Variants in SPTLC2 observed in about 807,000 individuals in gnomAD.
SPTLC2 encodes the protein serine palmitoyltransferase 2.
In SPTLC2, 21 loss-of-function variants were observed where a neutral mutation model predicts 62.0. The observed-to-expected ratio is 0.34, with a 90% CI of 0.24 to 0.49. The LOEUF is 0.49. Among genes scored for constraint, SPTLC2 ranks in the 20% least tolerant of loss-of-function variants. The probability of loss-of-function intolerance (pLI) is 0.99; values close to 1 mark genes in which losing one functional copy is unlikely to be tolerated. For missense variants in SPTLC2, 511 were observed against 713.0 expected, an observed-to-expected ratio of 0.72 and a Z score of 3.23; for synonymous variants, 261 against 261.8, an observed-to-expected ratio of 1.00 and a Z score of 0.03.
chr14:77,529,393 T>C (rs190766433), intron 9 of SPTLC2, among the ~76,000 whole-genome samples: 135 of 151,754 alleles, frequency 8.9e-4, no homozygotes, highest in Middle Eastern at 3.4e-3. Context: ...TGTGTCTCTA[T>C]TGAAATCTAA....
chr14:77,508,148 T>A lies in SPTLC2; in HGVS notation c.*4136A>T, dbSNP rs1034123786. 2.6e-5 allele frequency: 4 copies of A among 152,186 alleles called. No individual in the cohort carries two copies. The highest frequency in any genetic ancestry group is 9.7e-5 in the African/African-American group (4 of 41,416). The allele number at this position is 152,186 out of a possible 1,614,324, so 9.4% of individuals were successfully genotyped here. A position where few individuals can be genotyped will look rare whatever the true frequency, so the allele number is the denominator to read the frequency against. ...GGCTCAAGTGATTCTCCCACACAGG[T>A]GGGACTACAGGCAGGCACCACCATG... On this transcript the variant is annotated 3_prime_UTR_variant, in exon 12 of 12. Transcript: ENST00000216484.
At chr14:77,562,281 T>C in intron 6 of SPTLC2, 115 bp downstream of exon 6, 1 of 902,176 alleles carries the variant, frequency 1.1e-6, no homozygotes, top group East Asian at 2.5e-5. Flanking sequence ...TTTTAAATGT[T>C]GCTACTTTGT....
Position 77,509,859 on chromosome 14 carries a change from T to TAG in SPTLC2, c.*2424_*2425insCT, listed in dbSNP as rs2079323518. On this transcript the variant is annotated 3_prime_UTR_variant, in exon 12 of 12. Coordinates refer to ENST00000216484, the MANE Select transcript of SPTLC2 (RefSeq NM_004863.4). ...AACTTGTAACAAAATTACACTTATC[T>TAG]TGAAATAACTTTGTACCAACAAAGT... The TAG allele has an allele frequency of 5.0e-6, 2 of 398,296 alleles. No individual in the cohort carries two copies. Among genetic ancestry groups the TAG allele is most frequent in the Non-Finnish European group, 8.9e-6 (2 of 225,966 alleles). The allele number at this position is 398,296 out of a possible 1,614,324, so 24.7% of individuals were successfully genotyped here. A position where few individuals can be genotyped will look rare whatever the true frequency, so the allele number is the denominator to read the frequency against.
At chr14:77,552,651 C>A (rs897972093) in intron 8 of SPTLC2, among the ~76,000 whole-genome samples, 1 of 151,686 alleles carries the variant, frequency 6.6e-6, no homozygotes, top group Non-Finnish European at 1.5e-5. Flanking sequence ...ACTAAAAATA[C>A]AAAAATCAGC....
Position 77,600,244 on chromosome 14 carries a change from T to G in SPTLC2, c.133-2864A>C, listed in dbSNP as rs183140644. On this transcript the variant is annotated intron_variant, in intron 1 of 11. Transcript: ENST00000216484. ...AAAGCCTTATTCAAAATTAAATGTA[T>G]TTTAAAGAATTTAGGTTCAACTAGG... Among the ~76,000 whole-genome samples, 6 of 152,322 alleles carry G rather than the reference T, an allele frequency of 3.9e-5. No individual in the cohort carries two copies. In the East Asian group the frequency reaches 1.2e-3, roughly 29 times the overall value.
At chr14:77,580,946 G>T (rs888481696) in intron 2 of SPTLC2, among the ~76,000 whole-genome samples, 8 of 152,218 alleles carry the variant, frequency 5.3e-5, no homozygotes, top group Non-Finnish European at 1.2e-4. Context: ...AGATTAAGTT[G>T]TACTAAAACT....
Position 77,512,141 on chromosome 14 carries a change from G to C in SPTLC2, c.*143C>G. On this transcript the variant is annotated 3_prime_UTR_variant, in exon 12 of 12. Transcript: ENST00000216484. ...TTTACTATTTACAAAATGTCATTTA[G>C]AGTGGAGGTGGCCACCTTCAGTAGC... The C allele has an allele frequency of 9.3e-7, 1 of 1,079,696 alleles. No homozygotes were observed. The highest frequency in any genetic ancestry group is 1.4e-6 in the Non-Finnish European group (1 of 714,336). 66.9% of individuals were successfully genotyped at this position (1,079,696 alleles called of 1,614,324 possible).
Position 77,579,073 on chromosome 14 carries a change from A to G in SPTLC2, c.364T>C (p.Tyr122His), listed in dbSNP as rs753088435. The G allele has an allele frequency of 6.2e-7, 1 of 1,614,126 alleles. No homozygotes were observed. The highest frequency in any genetic ancestry group is 1.3e-5 in the African/African-American group (1 of 75,052). The stretch of plus-strand genomic sequence containing the variant: ...ATCCTCATGTACAGATTCCTTGTAT[A>G]AAAGTTTTCAAAATCTTGATACAAT... ...VSLYQDFENFYTRNLYMRIRD... is the reference protein window; with the variant it reads ...VSLYQDFENFHTRNLYMRIRD... The change falls in exon 3 of 12, where the codon TAT (tyrosine) becomes CAT (histidine). Residue 122 changes from tyrosine (Y) to histidine (H), a missense_variant. By Grantham distance (83) the Tyr-to-His change is moderately conservative. Transcript: ENST00000216484.
At chr14:77,600,900 G>A (rs1234648672) in intron 1 of SPTLC2, among the ~76,000 whole-genome samples, 1 of 152,160 alleles carries the variant, frequency 6.6e-6, no homozygotes, top group Non-Finnish European at 1.5e-5. Flanking sequence ...CCACATGCCT[G>A]TGGGCTGTCA....
intron 6 of SPTLC2, among the ~76,000 whole-genome samples, chr14:77,558,256 G>A (rs1016394243): frequency 2.6e-5 from 4 of 152,124 alleles, no homozygotes; most frequent in African/African-American, 4.8e-5. Flanking sequence ...ATGTTGGCCA[G>A]GCTTGTCTTG....
intron 10 of SPTLC2, among the ~76,000 whole-genome samples, chr14:77,520,697 T>C (rs1440854159): frequency 6.6e-6 from 1 of 152,260 alleles, no homozygotes; most frequent in Non-Finnish European, 1.5e-5. Flanking sequence ...ACTTCTCAAA[T>C]ACATTGAAAG....
In SPTLC2 at chr14:77,521,544, C is replaced by A; in HGVS notation, c.1341G>T (p.Arg447Ser). 1 of 1,613,936 alleles carries A rather than the reference C, an allele frequency of 6.2e-7. No individual in the cohort carries two copies. The highest frequency in any genetic ancestry group is 2.2e-5 in the East Asian group (1 of 44,870). ...ECVQQLAENT[R>S]YFRRRLKEMG... ...TCTCTTTCAGGCGTCTCCTGAAATA[C>A]CTGGTGTTTTCAGCTAACTGTTGTA... is the stretch of plus-strand genomic sequence containing the variant. Residue 447 changes from arginine to serine, a missense_variant, in exon 10 of 12, where the codon AGG becomes AGT. Coordinates refer to ENST00000216484, the MANE Select transcript of SPTLC2 (RefSeq NM_004863.4).
rs67561245 is a variant in SPTLC2 at position 77,529,253 on chromosome 14, CTTT to C, written c.1304-7675_1304-7673del. On this transcript the variant is annotated intron_variant, in intron 9 of 11. Coordinates refer to ENST00000216484, the MANE Select transcript of SPTLC2 (RefSeq NM_004863.4). Reference sequence around the variant, plus strand: ...TGAAGTTTCTCTTTGAAAACTTCTTCTTTTTTTTTTTTTTTTTTTTTTAACAAA... The same window carrying C: ...TGAAGTTTCTCTTTGAAAACTTCTTCTTTTTTTTTTTTTTTTTTTAACAAA... Among the ~76,000 whole-genome samples, 1,019 of 122,154 alleles carry C rather than the reference CTTT, an allele frequency of 8.3e-3. 4 individuals are homozygous for C. Among genetic ancestry groups the C allele is most frequent in the Non-Finnish European group, 0.012 (697 of 56,322 alleles). The allele number at this position is 122,154 out of a possible 152,430, so 80.1% of individuals were successfully genotyped here. A position where few individuals can be genotyped will look rare whatever the true frequency, so the allele number is the denominator to read the frequency against.
chr14:77,556,408 T>C (rs1459202496), intron 7 of SPTLC2, among the ~76,000 whole-genome samples: 1 of 152,162 alleles, frequency 6.6e-6, no homozygotes, highest in Non-Finnish European at 1.5e-5. Context: ...TCACAGCAGA[T>C]TCTTCTAAAG....
chr14:77,528,848 T>G (rs1318190375), intron 9 of SPTLC2, among the ~76,000 whole-genome samples: 1 of 152,194 alleles, frequency 6.6e-6, no homozygotes. Flanking sequence ...TTTTGTTTGT[T>G]TTTTGAGACA....
chr14:77,556,894 C>T, intron 7 of SPTLC2, 147 bp downstream of exon 7: 2 of 679,236 alleles, frequency 2.9e-6, no homozygotes, highest in South Asian at 3.3e-5. Flanking sequence ...TGTTCTAATG[C>T]TGACTCTGTT....
chr14:77,571,649 T>C (rs2079683909), intron 4 of SPTLC2, among the ~76,000 whole-genome samples: 1 of 152,144 alleles, frequency 6.6e-6, no homozygotes, highest in Non-Finnish European at 1.5e-5. Context: ...AATGCTAAAC[T>C]TGGATGCCAT....
chr14:77,555,380 C>A lies in SPTLC2; in HGVS notation c.1096G>T (p.Asp366Tyr), dbSNP rs752793709. 6.2e-7 allele frequency: 1 copy of A among 1,614,170 alleles called. No homozygotes were observed. The highest frequency in any genetic ancestry group is 8.5e-7 in the Non-Finnish European group (1 of 1,180,036). Residue 366 changes from aspartate (D) to tyrosine (Y), a missense_variant, in exon 8 of 12, where the codon GAT becomes TAT. Asp to Tyr is a radical substitution (Grantham distance 160). Coordinates refer to ENST00000216484, the MANE Select transcript of SPTLC2 (RefSeq NM_004863.4). ...GRGVVEYFGL[D>Y]PEDVDVMMGT... ...ATCATAACATCCACATCCTCGGGAT[C>A]CAGGCCAAAGTACTCCACCACACCC...
chr14:77,548,919 A>T (rs2079542425), intron 9 of SPTLC2, among the ~76,000 whole-genome samples: 1 of 152,230 alleles, frequency 6.6e-6, no homozygotes, highest in Non-Finnish European at 1.5e-5. Context: ...ACAATAAGCA[A>T]CCACATATAC....
Sources: gnomAD v4.1 joint callset for allele counts (sites outside exome capture counted in the v4.1 genomes callset) on GRCh38, gnomAD v4.1.1 for gene constraint, MANE v1.5 for transcripts, NCBI Gene and HGNC (gene_info 2026-07-23, HGNC 2026-07-21) for gene names.